ZNF544: variants seen among roughly 807,000 people sequenced by gnomAD.
ZNF544 encodes zinc finger protein 544, also known as zinc finger protein AF020591.
ZNF544 carries 10 observed loss-of-function variants against 13.5 expected under a neutral mutation model. The observed-to-expected ratio is 0.74, with a 90% CI of 0.46 to 1.25. ZNF544 has a LOEUF of 1.25. Ranked by LOEUF, ZNF544 falls within the 50% of genes most tolerant of loss-of-function variation. The pLI is 0.00. For synonymous variants in ZNF544, 323 were observed against 300.5 expected (o/e 1.07, Z -0.77); for missense variants, 896 against 845.6 (o/e 1.06, Z -0.74).
intron 3 of ZNF544, among the ~76,000 whole-genome samples, chr19:58,241,445 C>T (rs2043837035): frequency 6.6e-6 from 1 of 151,250 alleles, no homozygotes; most frequent in Non-Finnish European, 1.5e-5. Context: ...GGTGTGAATG[C>T]CTCCTCCCCA....
downstream of ZNF544, chr19:58,266,514 C>CAAAAA (rs11340816): frequency 1.7e-5 from 1 of 58,740 alleles, no homozygotes; most frequent in Non-Finnish European, 2.9e-5. Context: ...GACTCGGTCT[C>CAAAAA]AAAAAAAAAA....
intron 6 of ZNF544, 51 bp from the exon 7 acceptor site, chr19:58,260,800 C>T (rs768306084): frequency 6.7e-7 from 1 of 1,490,856 alleles, no homozygotes; most frequent in South Asian, 1.4e-5. Context: ...CCCCCTCCCC[C>T]TCCCCCTCTG....
At chr19:58,255,962 A>G (rs2047232377) in intron 6 of ZNF544, among the ~76,000 whole-genome samples, 1 of 152,318 alleles carries the variant, frequency 6.6e-6, no homozygotes, top group Middle Eastern at 3.4e-3. Context: ...TGAAAAAGAG[A>G]AAAAGGAAAA....
rs553882652 is a variant in ZNF544 at position 58,250,287 on chromosome 19, G to T, written c.244+3493G>T. On this transcript the variant is annotated intron_variant, in intron 6 of 6. Transcript: ENST00000687789. Reference sequence around the variant, plus strand: ...TATTCTGAGTTGCCCCAGCAGTTCTGTTTTCCCATTGGAGGTAATTAGGCT... The same window carrying T: ...TATTCTGAGTTGCCCCAGCAGTTCTTTTTTCCCATTGGAGGTAATTAGGCT... Among the ~76,000 whole-genome samples the T allele has an allele frequency of 2.0e-5, 3 of 152,288 alleles. No individual in the cohort carries two copies. In the East Asian group the frequency reaches 5.8e-4, roughly 29 times the overall value.
intron 3 of ZNF544, among the ~76,000 whole-genome samples, chr19:58,234,396 C>T (rs2041974570): frequency 6.6e-6 from 1 of 152,230 alleles, no homozygotes; most frequent in Non-Finnish European, 1.5e-5. Flanking sequence ...ATTGTTGTTG[C>T]CTGTTTGCTC....
intron 3 of ZNF544, among the ~76,000 whole-genome samples, chr19:58,243,444 G>A (rs2044349663): frequency 6.8e-6 from 1 of 147,656 alleles, no homozygotes; most frequent in South Asian, 2.2e-4. Context: ...TGGTGACTGA[G>A]TTCAGTAGAG....
intron 6 of ZNF544, among the ~76,000 whole-genome samples, chr19:58,251,090 G>A (rs1350153939): frequency 6.6e-6 from 1 of 152,168 alleles, no homozygotes; most frequent in Non-Finnish European, 1.5e-5. Flanking sequence ...AACTTCAGGG[G>A]TGGATACCTA....
chr19:58,241,144 AAT>A (rs1167887900), intron 3 of ZNF544, among the ~76,000 whole-genome samples: 4 of 73,762 alleles, frequency 5.4e-5, no homozygotes, highest in African/African-American at 5.4e-5. Flanking sequence ...GCCAATTTAA[AAT>A]ATATATATAT....
intron 6 of ZNF544, chr19:58,258,587 G>A (rs1313637539): frequency 7.3e-6 from 1 of 137,806 alleles, no homozygotes; most frequent in African/African-American, 2.7e-5. Context: ...TGAGGGTGCT[G>A]GGTGTGAGGG....
Position 58,246,698 on chromosome 19 carries a change from C to T in ZNF544, c.161-13C>T, listed in dbSNP as rs201988192. ...CAAGCAGAGGGGCAAGTCCTTTTTC[C>T]GTCTTTGACCAGGGCTTTTCCTTTC... On this transcript the variant is annotated splice_polypyrimidine_tract_variant and intron_variant, in intron 5 of 6. Coordinates refer to ENST00000687789, the MANE Select transcript of ZNF544 (RefSeq NM_014480.4). 228 of 1,613,208 alleles carry T rather than the reference C, an allele frequency of 1.4e-4. No homozygotes were observed. The highest frequency in any genetic ancestry group is 1.7e-4 in the Non-Finnish European group (198 of 1,179,670).
rs1379313526 is a variant in ZNF544 at position 58,261,553 on chromosome 19, C to G, written c.947C>G (p.Thr316Arg). ...TCTGAGAGTCTGTGCCTTGTACAAA[C>G]AGAAAGAAGTGGCCCTGGAGAGACC... Reference protein sequence around the residue: ...TCSESLCLVQTERSGPGETPF... With the variant: ...TCSESLCLVQRERSGPGETPF... The change falls in exon 7 of 7, where the codon ACA (threonine) becomes AGA (arginine). Residue 316 changes from threonine (T) to arginine (R), a missense_variant. Thr to Arg is a moderately conservative substitution (Grantham distance 71). Coordinates refer to ENST00000687789, the MANE Select transcript of ZNF544 (RefSeq NM_014480.4). 6.2e-7 allele frequency: 1 copy of G among 1,614,192 alleles called. No individual in the cohort carries two copies. Among genetic ancestry groups the G allele is most frequent in the Non-Finnish European group, 8.5e-7 (1 of 1,180,022 alleles).
intron 3 of ZNF544, among the ~76,000 whole-genome samples, chr19:58,236,692 C>A (rs975450732): frequency 6.6e-5 from 10 of 151,334 alleles, no homozygotes; most frequent in African/African-American, 2.4e-4. Context: ...GACTGTAGAC[C>A]TTATTTAGCA....
intron 3 of ZNF544, among the ~76,000 whole-genome samples, chr19:58,242,477 C>T (rs992322949): frequency 2.6e-5 from 4 of 151,028 alleles, no homozygotes; most frequent in Non-Finnish European, 5.9e-5. Flanking sequence ...TCTGCAGGGG[C>T]TGCCTTTATC....
chr19:58,245,956 G>A (rs1303706118), intron 4 of ZNF544: 5 of 355,986 alleles, frequency 1.4e-5, no homozygotes, highest in Non-Finnish European at 2.2e-5. Context: ...ATACCTTAGA[G>A]TGAGCAATTT....
chr19:58,232,765 TAAAAAA>T (rs529610316), intron 3 of ZNF544, among the ~76,000 whole-genome samples: 16,203 of 108,254 alleles, frequency 0.15, 1,509 homozygotes, highest in East Asian at 0.42. Flanking sequence ...CCGTCTCTAC[TAAAAAA>T]AAAAAAAAAA....
intron 6 of ZNF544, among the ~76,000 whole-genome samples, chr19:58,254,020 C>G (rs1457992551): frequency 6.6e-6 from 1 of 152,162 alleles, no homozygotes; most frequent in African/African-American, 2.4e-5. Context: ...GTCAGGAGAT[C>G]AAGACCATCC....
At chr19:58,275,190 G>GC (rs1010977465) in intron 5 of ZNF544, among the ~76,000 whole-genome samples, 3 of 151,990 alleles carry the variant, frequency 2.0e-5, no homozygotes, top group South Asian at 4.2e-4. Context: ...GGAGCCAGGA[G>GC]CCCCCCCACA....
At chr19:58,260,791 C>T (rs1009531883) in intron 6 of ZNF544, 60 bp from the exon 7 acceptor site, 5 of 1,434,924 alleles carry the variant, frequency 3.5e-6, no homozygotes, top group Non-Finnish European at 4.6e-6. Flanking sequence ...CCTTCATCTC[C>T]CCCTCCCCCT....
chr19:58,267,046 GAT>G (rs980330963), downstream of ZNF544: 2 of 152,172 alleles, frequency 1.3e-5, no homozygotes, highest in African/African-American at 4.8e-5. Flanking sequence ...AGAAAAGACA[GAT>G]ATTCAGAGGA....
Sources: allele counts gnomAD v4.1 joint callset (sites outside exome capture counted in the v4.1 genomes callset), GRCh38; gene constraint gnomAD v4.1.1; transcripts MANE v1.5; gene names NCBI Gene and HGNC (gene_info 2026-07-23, HGNC 2026-07-21).